Variants in TIAM1 observed in about 807,000 individuals in gnomAD.
TIAM1 encodes the protein TIAM Rac1 associated GEF 1, also known as rho guanine nucleotide exchange factor TIAM1.
In TIAM1, 65 loss-of-function variants were observed where a neutral mutation model predicts 163.5. The ratio of observed to expected loss-of-function variants is 0.40; its 90% CI spans 0.33 to 0.49. The LOEUF (loss-of-function observed/expected upper bound fraction) is 0.49, where lower values mean the gene tolerates loss of function less well. TIAM1 is among the 20% of genes least tolerant of loss of function. The pLI is 0.77. For synonymous variants in TIAM1, 833 were observed against 810.1 expected, an observed-to-expected ratio of 1.03 and a Z score of -0.48; for missense variants, 1,789 against 2,044.7, an observed-to-expected ratio of 0.87 and a Z score of 2.41.
chr21:31,465,698 G>T (rs1020333242), intron 1 of TIAM1, among the ~76,000 whole-genome samples: 108 of 152,114 alleles, frequency 7.1e-4, no homozygotes, highest in African/African-American at 2.3e-3. Flanking sequence ...AGCCTCCGGA[G>T]TAGCTGGGAC....
chr21:31,553,938 C>T (rs184161987), intron 1 of TIAM1, among the ~76,000 whole-genome samples: 12 of 152,204 alleles, frequency 7.9e-5, no homozygotes, highest in Non-Finnish European at 1.3e-4. Flanking sequence ...CCCCAGATGA[C>T]GCGGTGGCTT....
At chr21:31,538,485 T>C (rs1008116917) in intron 1 of TIAM1, among the ~76,000 whole-genome samples, 3 of 152,226 alleles carry the variant, frequency 2.0e-5, no homozygotes, top group Non-Finnish European at 2.9e-5. Context: ...TTAAAAAGTA[T>C]TTTTAAAATA....
At chr21:31,535,480 C>T (rs1451478639) in intron 1 of TIAM1, among the ~76,000 whole-genome samples, 2 of 149,244 alleles carry the variant, frequency 1.3e-5, no homozygotes, top group South Asian at 2.2e-4. Flanking sequence ...TGCAAATGGG[C>T]TCTGATTCCT....
chr21:31,275,126 T>TAA (rs199540397), intron 3 of TIAM1, among the ~76,000 whole-genome samples: 403 of 136,020 alleles, frequency 3.0e-3, no homozygotes, highest in African/African-American at 9.2e-3. Flanking sequence ...TGTCTCAAGT[T>TAA]AAAAAAAAAA....
At chr21:31,210,623 A>AGGAAGGAAGGG (rs2086714806) in intron 10 of TIAM1, among the ~76,000 whole-genome samples, 5 of 20,194 alleles carry the variant, frequency 2.5e-4, no homozygotes, top group South Asian at 2.0e-3. Flanking sequence ...GGGAGAAAGA[A>AGGAAGGAAGGG]AGAAAGAAAG....
intron 15 of TIAM1, among the ~76,000 whole-genome samples, chr21:31,180,063 G>A (rs1057154150): frequency 6.6e-6 from 1 of 151,774 alleles, no homozygotes; most frequent in Non-Finnish European, 1.5e-5. Context: ...CTGCCACCAC[G>A]GATGGCTAAT....
intron 2 of TIAM1, among the ~76,000 whole-genome samples, chr21:31,364,014 G>A (rs187835348): frequency 1.9e-3 from 286 of 152,288 alleles, no homozygotes; most frequent in African/African-American, 6.4e-3. Flanking sequence ...AACAGCCCCA[G>A]GACATCTCTA....
chr21:31,487,658 C>T (rs987218555), intron 1 of TIAM1, among the ~76,000 whole-genome samples: 24 of 150,544 alleles, frequency 1.6e-4, no homozygotes, highest in African/African-American at 5.4e-4. Flanking sequence ...CCCGGGTTCA[C>T]GCCATTCTCC....
intron 2 of TIAM1, among the ~76,000 whole-genome samples, chr21:31,337,690 C>T (rs901125908): frequency 6.6e-6 from 1 of 151,878 alleles, no homozygotes; most frequent in Admixed American, 6.6e-5. Flanking sequence ...TGCCACCACA[C>T]CGGGCTAATT....
At chr21:31,339,629 T>C (rs924091792) in intron 1 of TIAM1, among the ~76,000 whole-genome samples, 3 of 152,320 alleles carry the variant, frequency 2.0e-5, no homozygotes, top group Middle Eastern at 3.4e-3. Flanking sequence ...TAGTTATCTA[T>C]AGCTTTGTAG....
intron 2 of TIAM1, among the ~76,000 whole-genome samples, chr21:31,394,724 TCTCTCACACA>T (rs1392918917): frequency 0.013 from 1,668 of 128,792 alleles, 18 homozygotes; most frequent in Non-Finnish European, 0.019. Flanking sequence ...TCTCTCTCTC[TCTCTCACACA>T]CACACACACA....
chr21:31,408,824 G>C (rs1399603848), intron 2 of TIAM1, among the ~76,000 whole-genome samples: 1 of 152,156 alleles, frequency 6.6e-6, no homozygotes, highest in Non-Finnish European at 1.5e-5. Context: ...GCATCACTCA[G>C]GAACTGTTAG....
At chr21:31,341,027 G>C (rs1461745532) in intron 1 of TIAM1, among the ~76,000 whole-genome samples, 1 of 152,088 alleles carries the variant, frequency 6.6e-6, no homozygotes, top group Non-Finnish European at 1.5e-5. Context: ...TTTATTCTAC[G>C]GCAGTAACTT....
intron 1 of TIAM1, among the ~76,000 whole-genome samples, chr21:31,465,219 T>C (rs1321289092): frequency 2.0e-5 from 3 of 151,898 alleles, no homozygotes; most frequent in Admixed American, 6.6e-5. Flanking sequence ...AAAAAATTTT[T>C]CTTTTCAAAG....
rs543586289 is a variant in TIAM1 at position 31,120,257 on chromosome 21, G to A, written c.*111C>T. On this transcript the variant is annotated 3_prime_UTR_variant, in exon 28 of 28. Transcript: ENST00000541036. The surrounding 1 kb of genome is among the most constrained non-coding windows in gnomAD (Gnocchi z 4.2). ...CAGAACCAAGTCAGCTGCCAAAACC[G>A]TGTGTGCAAGAGCGCGACCTAAGGG... is the stretch of plus-strand genomic sequence containing the variant. 18 of 1,119,338 alleles carry A rather than the reference G, an allele frequency of 1.6e-5. No homozygotes were observed. The highest frequency in any genetic ancestry group is 9.0e-5 in the Admixed American group (3 of 33,356). The allele number at this position is 1,119,338 out of a possible 1,614,324, so 69.3% of individuals were successfully genotyped here.
At chr21:31,230,884 T>G (rs2088378574) in intron 6 of TIAM1, among the ~76,000 whole-genome samples, 2 of 152,116 alleles carry the variant, frequency 1.3e-5, no homozygotes, top group African/African-American at 4.8e-5. Context: ...GCCAGGGTGG[T>G]CCTAAACTCC....
intron 2 of TIAM1, among the ~76,000 whole-genome samples, chr21:31,316,623 G>T (rs2075131993): frequency 6.6e-6 from 1 of 152,184 alleles, no homozygotes; most frequent in Non-Finnish European, 1.5e-5. Flanking sequence ...AGGATTGTGT[G>T]ATGGGCATGC....
chr21:31,447,158 G>T (rs1470617101), intron 2 of TIAM1, among the ~76,000 whole-genome samples: 1 of 152,194 alleles, frequency 6.6e-6, no homozygotes, highest in African/African-American at 2.4e-5. Flanking sequence ...GGAGGCTGAG[G>T]AAGGGGGATC....
At chr21:31,144,332 A>T (rs1389782168) in intron 20 of TIAM1, among the ~76,000 whole-genome samples, 2 of 152,228 alleles carry the variant, frequency 1.3e-5, no homozygotes, top group South Asian at 2.1e-4. Context: ...CCAACAAAAT[A>T]TTCTCGTCCA....
Sources: gnomAD v4.1 joint callset for allele counts (sites outside exome capture counted in the v4.1 genomes callset) on GRCh38, gnomAD v4.1.1 for gene constraint, Gnocchi (gnomAD v3.1) non-coding constraint, MANE v1.5 for transcripts, NCBI Gene and HGNC (gene_info 2026-07-23, HGNC 2026-07-21) for gene names.